The following MICU2 variants were observed in gnomAD, a reference collection of about 807,000 sequenced individuals.
The protein encoded by MICU2 is calcium uptake protein 2, mitochondrial.
A neutral mutation model predicts 60.4 loss-of-function variants in MICU2; 64 were observed. The observed-to-expected ratio is 1.06, with a 90% CI of 0.87 to 1.31. The LOEUF (loss-of-function observed/expected upper bound fraction) is 1.31. Ranked by LOEUF, MICU2 falls within the 50% of genes most tolerant of loss-of-function variation. The pLI is 0.00. For missense variants in MICU2, 569 were observed against 531.0 expected (o/e 1.07, Z -0.70); for synonymous variants, 201 against 175.0 (o/e 1.15, Z -1.17).
intron 1 of MICU2, among the ~76,000 whole-genome samples, chr13:21,574,588 CT>C (rs1429051522): frequency 6.6e-6 from 1 of 152,172 alleles, no homozygotes; most frequent in African/African-American, 2.4e-5. Flanking sequence ...AAAGTTAGTT[CT>C]CTGTTCTTTG....
At chr13:21,506,617 C>T (rs1470029686) in intron 8 of MICU2, among the ~76,000 whole-genome samples, 1 of 152,204 alleles carries the variant, frequency 6.6e-6, no homozygotes, top group Non-Finnish European at 1.5e-5. Context: ...AACTAGAAAT[C>T]ATTGTTTAAT....
chr13:21,579,164 A>T (rs1018942812), intron 1 of MICU2, among the ~76,000 whole-genome samples: 1 of 152,208 alleles, frequency 6.6e-6, no homozygotes, highest in Non-Finnish European at 1.5e-5. Context: ...ATATTATACC[A>T]AAACAGGTAG....
intron 1 of MICU2, among the ~76,000 whole-genome samples, chr13:21,580,285 C>G (rs1225003908): frequency 6.6e-6 from 1 of 152,172 alleles, no homozygotes; most frequent in Non-Finnish European, 1.5e-5. Context: ...AAATCTTTAC[C>G]TTGATCCCCA....
chr13:21,590,070 C>A (rs1566170799), intron 1 of MICU2, among the ~76,000 whole-genome samples: 1 of 152,110 alleles, frequency 6.6e-6, no homozygotes, highest in Non-Finnish European at 1.5e-5. Flanking sequence ...GGCCAACATG[C>A]AGATTCAGGA....
Position 21,576,631 on chromosome 13 carries a change from C to T in MICU2, c.211-9687G>A, listed in dbSNP as rs144040017. On this transcript the variant is annotated intron_variant, in intron 1 of 11. Coordinates refer to ENST00000382374, the MANE Select transcript of MICU2 (RefSeq NM_152726.3). ...ATTCATATAGTATTTTGCCCTGCTCCCCCATTTTCTGTGACCCACTCAGAC... is the reference window on the plus strand; with the variant it reads ...ATTCATATAGTATTTTGCCCTGCTCTCCCATTTTCTGTGACCCACTCAGAC... Among the ~76,000 whole-genome samples, 34 of 152,204 alleles carry T rather than the reference C, an allele frequency of 2.2e-4. 2 individuals are homozygous for T. In the East Asian group the frequency reaches 6.6e-3, roughly 29 times the overall value.
intron 2 of MICU2, among the ~76,000 whole-genome samples, chr13:21,554,788 AAAG>A (rs1422523289): frequency 2.0e-5 from 3 of 152,282 alleles, no homozygotes; most frequent in East Asian, 3.9e-4. Context: ...CAAGACTAAT[AAAG>A]AAGAGAGAAG....
Position 21,566,806 on chromosome 13 carries a change from G to T in MICU2, c.349C>A (p.Gln117Lys), listed in dbSNP as rs1309270120. 4 of 1,578,526 alleles carry T rather than the reference G, an allele frequency of 2.5e-6. No homozygotes were observed. Among genetic ancestry groups the T allele is most frequent in the Non-Finnish European group, 3.4e-6 (4 of 1,165,814 alleles). Reference protein sequence around the residue: ...RDFLFSVMFEQMERKTSVKKL... With the variant: ...RDFLFSVMFEKMERKTSVKKL... ...AAAAGACCCAACTCACGTTCCATTT[G>T]CTCAAACATCACTGAGAAGAGGAAG... The change falls in exon 2 of 12, where the codon CAA (glutamine) becomes AAA (lysine). Residue 117 changes from glutamine (Q) to lysine (K), a missense_variant. By Grantham distance (53) the Gln-to-Lys change is moderately conservative (BLOSUM62 1). Transcript: ENST00000382374.
chr13:21,560,414 C>T (rs1358496924), intron 2 of MICU2, among the ~76,000 whole-genome samples: 1 of 152,112 alleles, frequency 6.6e-6, no homozygotes, highest in Admixed American at 6.5e-5. Flanking sequence ...TATAAAAGTT[C>T]CCTTGTGTTT....
intron 6 of MICU2, among the ~76,000 whole-genome samples, chr13:21,517,934 C>G (rs1886623010): frequency 2.0e-5 from 3 of 152,074 alleles, no homozygotes; most frequent in Admixed American, 1.3e-4. Context: ...AAATGACATG[C>G]TGTATCACGC....
chr13:21,536,773 C>G (rs1887140015), intron 4 of MICU2, among the ~76,000 whole-genome samples: 1 of 152,236 alleles, frequency 6.6e-6, no homozygotes, highest in Non-Finnish European at 1.5e-5. Context: ...CTTTAGACAA[C>G]AGGAAACAAT....
At chr13:21,546,010 T>C (rs1016430169) in intron 2 of MICU2, among the ~76,000 whole-genome samples, 9 of 152,194 alleles carry the variant, frequency 5.9e-5, no homozygotes, top group Non-Finnish European at 4.4e-5. Flanking sequence ...CATAAGTATG[T>C]ACAATTATTA....
chr13:21,520,543 G>A (rs1272563905), intron 6 of MICU2, among the ~76,000 whole-genome samples: 1 of 152,124 alleles, frequency 6.6e-6, no homozygotes, highest in African/African-American at 2.4e-5. Flanking sequence ...TATGTGCTAA[G>A]CACTATGCCA....
At chr13:21,578,765 C>T (rs922786763) in intron 1 of MICU2, among the ~76,000 whole-genome samples, 5 of 152,106 alleles carry the variant, frequency 3.3e-5, no homozygotes, top group Non-Finnish European at 5.9e-5. Context: ...CCTTTAGTTT[C>T]CCTTTAACTG....
At chr13:21,521,785 TC>T (rs1321646588) in intron 5 of MICU2, among the ~76,000 whole-genome samples, 4 of 152,336 alleles carry the variant, frequency 2.6e-5, no homozygotes, top group Non-Finnish European at 5.9e-5. Context: ...CTCTAATTTT[TC>T]TTTTCTTCCG....
chr13:21,577,601 T>G (rs1416233906), intron 1 of MICU2, among the ~76,000 whole-genome samples: 1 of 149,684 alleles, frequency 6.7e-6, no homozygotes, highest in African/African-American at 2.5e-5. Flanking sequence ...AGGTGAGGAG[T>G]TCAAGACCAG....
chr13:21,572,807 G>A (rs975555094), intron 1 of MICU2, among the ~76,000 whole-genome samples: 2 of 152,030 alleles, frequency 1.3e-5, no homozygotes, highest in African/African-American at 2.4e-5. Flanking sequence ...TGGACCAATC[G>A]ATGTTATTAC....
chr13:21,496,482 G>A (rs554555184), intron 9 of MICU2: 74 of 287,032 alleles, frequency 2.6e-4, no homozygotes, highest in African/African-American at 1.5e-3. Flanking sequence ...GTGTTTTGAG[G>A]CGGCAGCTTG....
In MICU2 at chr13:21,508,506, G is replaced by T. The variant is rs1886350166; in HGVS notation, c.761+1498C>A. On this transcript the variant is annotated intron_variant, in intron 8 of 11. Coordinates refer to ENST00000382374, the MANE Select transcript of MICU2 (RefSeq NM_152726.3). ...TCCTTTACTCTGCTGCCAGAGTGAT[G>T]GGCACATCTGACCAAATACCCTTCA... Among the ~76,000 whole-genome samples, 3 of 152,116 alleles carry T rather than the reference G, an allele frequency of 2.0e-5. No individual in the cohort carries two copies. The South Asian group carries it at 6.2e-4, about 31-fold the overall frequency.
At chr13:21,583,172 T>G (rs1179058695) in intron 1 of MICU2, among the ~76,000 whole-genome samples, 2 of 152,144 alleles carry the variant, frequency 1.3e-5, no homozygotes, top group Admixed American at 1.3e-4. Context: ...GGAGGCCTGC[T>G]TGGGTCTAGG....
Sources: gnomAD v4.1 joint callset for allele counts (sites outside exome capture counted in the v4.1 genomes callset) on GRCh38, gnomAD v4.1.1 for gene constraint, MANE v1.5 for transcripts, NCBI Gene and HGNC (gene_info 2026-07-23, HGNC 2026-07-21) for gene names.